Variants in TOP6BL observed in about 807,000 individuals in gnomAD.
TOP6BL encodes the protein TOP6B like initiator of meiotic double strand breaks.
the TOP6BL span, among the ~76,000 whole-genome samples, chr11:66,748,821 C>G: frequency 7.0e-6 from 1 of 142,036 alleles, no homozygotes; most frequent in South Asian, 2.2e-4. Flanking sequence ...AATTATATTA[C>G]ATTGAGCTTT....
At chr11:66,771,014 T>C in the TOP6BL span, among the ~76,000 whole-genome samples, 1 of 152,110 alleles carries the variant, frequency 6.6e-6, no homozygotes, top group Non-Finnish European at 1.5e-5. Context: ...TCTAACTTCT[T>C]GGGGTTGTTC....
chr11:66,798,800 C>T, the TOP6BL span, among the ~76,000 whole-genome samples: 10 of 151,782 alleles, frequency 6.6e-5, no homozygotes, highest in East Asian at 2.0e-4. Flanking sequence ...TTTGGCCGGG[C>T]GTGGTGGCTC....
At chr11:66,744,819 G>GGGGGCGGCGGCGGCGGC in the TOP6BL span, 1 of 1,193,766 alleles carries the variant, frequency 8.4e-7, no homozygotes, top group African/African-American at 1.6e-5. Flanking sequence ...GCTGAGGAGG[G>GGGGGCGGCGGCGGCGGC]GGCGGCGGCG....
At chr11:66,813,986 T>C in the TOP6BL span, 1,602 of 1,613,764 alleles carry the variant, frequency 9.9e-4, 19 homozygotes, top group African/African-American at 0.017. Flanking sequence ...TTGTGTATGA[T>C]ACCCAATTTG....
the TOP6BL span, among the ~76,000 whole-genome samples, chr11:66,803,532 G>A: frequency 6.6e-6 from 1 of 152,276 alleles, no homozygotes; most frequent in South Asian, 2.1e-4. Flanking sequence ...AGGTTCAAGC[G>A]ATTCTCCTGC....
the TOP6BL span, chr11:66,788,168 T>C: frequency 1.9e-6 from 3 of 1,612,282 alleles, no homozygotes; most frequent in South Asian, 3.3e-5. Flanking sequence ...AGAAATACAG[T>C]CCATACTGCC....
At chr11:66,804,147 C>T in the TOP6BL span, 2 of 1,613,724 alleles carry the variant, frequency 1.2e-6, no homozygotes, top group Non-Finnish European at 1.7e-6. Flanking sequence ...TGCCCCAGCC[C>T]AAAGGTTTCT....
At chr11:66,838,419 A>G in the TOP6BL span, 13 of 1,613,922 alleles carry the variant, frequency 8.1e-6, no homozygotes, top group Admixed American at 1.5e-4. Flanking sequence ...GACGCACCTG[A>G]TAACAGCAGC....
the TOP6BL span, chr11:66,748,288 T>G: frequency 1.3e-5 from 13 of 1,026,108 alleles, no homozygotes; most frequent in African/African-American, 2.0e-4. Context: ...GGGGGGAAAT[T>G]AGAGTTACTA....
At chr11:66,822,783 T>A in the TOP6BL span, 1 of 706,770 alleles carries the variant, frequency 1.4e-6, no homozygotes, top group South Asian at 1.8e-5. Flanking sequence ...GTAGGAGGAT[T>A]GCTTGAGCCC....
At chr11:66,751,983 C>A in the TOP6BL span, among the ~76,000 whole-genome samples, 1 of 152,100 alleles carries the variant, frequency 6.6e-6, no homozygotes, top group South Asian at 2.1e-4. Flanking sequence ...TCCTGAAAAA[C>A]TCTTTTCCAG....
chr11:66,843,465 C>CTGGGCGGGGA, the TOP6BL span: 1 of 1,414,344 alleles, frequency 7.1e-7, no homozygotes, highest in East Asian at 2.9e-5. Flanking sequence ...AATGGCGGCG[C>CTGGGCGGGGA]TGGGCGGGGA....
the TOP6BL span, chr11:66,828,235 C>T: frequency 1.3e-6 from 2 of 1,530,400 alleles, no homozygotes; most frequent in Non-Finnish European, 1.8e-6. Flanking sequence ...AGTACTGGAA[C>T]TCAGCATGTT....
chr11:66,796,733 T>C, the TOP6BL span, among the ~76,000 whole-genome samples: 2 of 149,324 alleles, frequency 1.3e-5, no homozygotes, highest in African/African-American at 5.0e-5. Flanking sequence ...CAGTGAGCCA[T>C]GATTGTGCCA....
chr11:66,788,577 G>C, the TOP6BL span, among the ~76,000 whole-genome samples: 1 of 152,198 alleles, frequency 6.6e-6, no homozygotes, highest in Admixed American at 6.5e-5. Context: ...TTTTCTCACA[G>C]TTCTGGAGGC....
At chr11:66,818,531 A>T in the TOP6BL span, among the ~76,000 whole-genome samples, 2 of 152,162 alleles carry the variant, frequency 1.3e-5, no homozygotes, top group African/African-American at 4.8e-5. Context: ...GCAGCAGCTG[A>T]TTATTGTGGA....
the TOP6BL span, among the ~76,000 whole-genome samples, chr11:66,807,444 G>T: frequency 7.2e-5 from 11 of 152,118 alleles, no homozygotes; most frequent in Non-Finnish European, 1.3e-4. Flanking sequence ...GGTTGTGCAT[G>T]CCTGTAATCC....
chr11:66,800,704 C>T, the TOP6BL span: 1 of 1,595,676 alleles, frequency 6.3e-7, no homozygotes, highest in Non-Finnish European at 8.6e-7. Context: ...TGGGTAAGTT[C>T]TTAGGTCTAT....
At chr11:66,746,288 A>G in the TOP6BL span, among the ~76,000 whole-genome samples, 2 of 151,992 alleles carry the variant, frequency 1.3e-5, no homozygotes, top group Non-Finnish European at 2.9e-5. Flanking sequence ...ATCTGTTTGC[A>G]TGAATAATAA....
Sources: gnomAD v4.1 joint callset for allele counts (sites outside exome capture counted in the v4.1 genomes callset) on GRCh38, gnomAD v4.1.1 for gene constraint, MANE v1.5 for transcripts, NCBI Gene and HGNC (gene_info 2026-07-23, HGNC 2026-07-21) for gene names.